Variants in CDH6 observed in about 807,000 individuals in gnomAD.
CDH6 encodes cadherin 6.
Under a neutral mutation model 78.0 loss-of-function variants are expected in CDH6, and 31 were observed. The ratio of observed to expected loss-of-function variants is 0.40; its 90% CI spans 0.30 to 0.54. CDH6 has a LOEUF of 0.54. CDH6 is among the 20% of genes least tolerant of loss of function. CDH6 has a pLI of 0.56. For missense variants in CDH6, 724 were observed against 975.9 expected (o/e 0.74, Z 3.44); for synonymous variants, 376 against 368.8 (o/e 1.02, Z -0.23).
At chr5:31,223,983 CT>C (rs1264698147) in intron 1 of CDH6, among the ~76,000 whole-genome samples, 3 of 152,188 alleles carry the variant, frequency 2.0e-5, no homozygotes, top group African/African-American at 7.2e-5. Flanking sequence ...TCAACATGTA[CT>C]AAGTGCTTCT....
At chr5:31,272,120 C>T (rs1355046266) in intron 2 of CDH6, among the ~76,000 whole-genome samples, 1 of 152,154 alleles carries the variant, frequency 6.6e-6, no homozygotes, top group Non-Finnish European at 1.5e-5. Context: ...GGTGTTTGAA[C>T]CCCATCTAAA....
intron 7 of CDH6, among the ~76,000 whole-genome samples, chr5:31,307,585 G>A (rs1235381926): frequency 1.3e-5 from 2 of 152,112 alleles, no homozygotes; most frequent in Non-Finnish European, 2.9e-5. Context: ...CACTAATATA[G>A]CTTTCACTAG....
intron 1 of CDH6, among the ~76,000 whole-genome samples, chr5:31,225,586 A>G (rs573871965): frequency 3.2e-4 from 49 of 152,318 alleles, no homozygotes; most frequent in African/African-American, 1.2e-3. Flanking sequence ...TGGCCGGAGC[A>G]GGAGGAAGAG....
intron 2 of CDH6, among the ~76,000 whole-genome samples, chr5:31,270,083 A>G (rs559643401): frequency 1.3e-5 from 2 of 152,228 alleles, no homozygotes; most frequent in Admixed American, 1.3e-4. Flanking sequence ...ATACATTTTT[A>G]AAAAAGATAA....
At chr5:31,321,663 A>C (rs1385963805) in intron 11 of CDH6, among the ~76,000 whole-genome samples, 2 of 152,156 alleles carry the variant, frequency 1.3e-5, no homozygotes, top group African/African-American at 4.8e-5. Flanking sequence ...GCCTACATCT[A>C]TTATTATATA....
intron 1 of CDH6, among the ~76,000 whole-genome samples, chr5:31,197,164 A>G (rs903197039): frequency 6.6e-6 from 1 of 152,058 alleles, no homozygotes; most frequent in Non-Finnish European, 1.5e-5. Flanking sequence ...TTTCTGTTTC[A>G]TTTCTTTCCT....
rs1356372388 is a variant in CDH6, at chr5:31,267,430, A to G, written c.-44A>G. The G allele has an allele frequency of 5.5e-6, 8 of 1,459,894 alleles. No individual in the cohort carries two copies. The highest frequency in any genetic ancestry group is 7.7e-6 in the Non-Finnish European group (8 of 1,041,180). The allele number at this position is 1,459,894 out of a possible 1,614,324, so 90.4% of individuals were successfully genotyped here. A position where few individuals can be genotyped will look rare whatever the true frequency, so the allele number is the denominator to read the frequency against. The stretch of plus-strand genomic sequence containing the variant: ...CGGTGCAGTGAAAAAGGCACTTCCA[A>G]GAGTGGGGCACTCACTACGCACAGA... On this transcript the variant is annotated 5_prime_UTR_variant, in exon 2 of 12. Coordinates refer to ENST00000265071, the MANE Select transcript of CDH6 (RefSeq NM_004932.4).
chr5:31,301,791 A>G (rs574268361), intron 5 of CDH6, among the ~76,000 whole-genome samples: 48 of 152,352 alleles, frequency 3.2e-4, no homozygotes, highest in African/African-American at 1.1e-3. Context: ...AGATGAAGTT[A>G]ACAAAGGGCT....
rs950177236 is a variant in CDH6 at position 31,274,979 on chromosome 5, C to T, written c.228+7278C>T. 2.0e-5 allele frequency among the ~76,000 whole-genome samples: 3 copies of T among 152,150 alleles called. No individual in the cohort carries two copies. The South Asian group carries it at 6.2e-4, about 32-fold the overall frequency. On this transcript the variant is annotated intron_variant, in intron 2 of 11. Coordinates refer to ENST00000265071, the MANE Select transcript of CDH6 (RefSeq NM_004932.4). Reference sequence around the variant, plus strand: ...GAGAGGCTCCCGTGCTCATTTTGGGCACAGCCCTTTGAGTCTATTCTATAG... The same window carrying T: ...GAGAGGCTCCCGTGCTCATTTTGGGTACAGCCCTTTGAGTCTATTCTATAG...
chr5:31,244,729 A>G (rs1741696023), intron 1 of CDH6, among the ~76,000 whole-genome samples: 1 of 152,192 alleles, frequency 6.6e-6, no homozygotes, highest in Admixed American at 6.5e-5. Flanking sequence ...TCGAGGAACA[A>G]GGTGGCCTGA....
intron 10 of CDH6, 46 bp downstream of exon 10, chr5:31,317,538 C>A: frequency 6.6e-7 from 1 of 1,513,102 alleles, no homozygotes; most frequent in Non-Finnish European, 9.1e-7. Flanking sequence ...CATCTATATC[C>A]GTAACTGTTT....
rs149986961 is a variant in CDH6, at chr5:31,324,591, AT to A, written c.*1291del. On this transcript the variant is annotated 3_prime_UTR_variant, in exon 12 of 12. Coordinates refer to ENST00000265071, the MANE Select transcript of CDH6 (RefSeq NM_004932.4). ...TGATAGTTGATTTTCAAAAGCATTA[AT>A]TTTTTTTCATTGTTTTTAACTTTGC... is the stretch of plus-strand genomic sequence containing the variant. 0.013 allele frequency: 2,825 copies of A among 211,328 alleles called. 57 individuals carry two copies. The highest frequency in any genetic ancestry group is 0.05 in the African/African-American group (2,228 of 44,188). The allele number at this position is 211,328 out of a possible 1,614,324, so 13.1% of individuals were successfully genotyped here.
intron 2 of CDH6, among the ~76,000 whole-genome samples, chr5:31,291,375 C>T (rs1440369708): frequency 6.6e-6 from 1 of 152,114 alleles, no homozygotes; most frequent in Non-Finnish European, 1.5e-5. Context: ...TTGGGAGGCA[C>T]TTTGTAATCT....
chr5:31,279,358 A>G (rs1002480588), intron 2 of CDH6, among the ~76,000 whole-genome samples: 1 of 152,164 alleles, frequency 6.6e-6, no homozygotes, highest in African/African-American at 2.4e-5. Flanking sequence ...ACCTGAGCCC[A>G]GAAGTGCCAG....
chr5:31,312,477 T>C (rs1738185869), intron 7 of CDH6, among the ~76,000 whole-genome samples: 1 of 152,224 alleles, frequency 6.6e-6, no homozygotes, highest in Non-Finnish European at 1.5e-5. Context: ...GGTAGGTGGA[T>C]CACTTGAGCT....
chr5:31,307,006 C>A (rs1193296362), intron 7 of CDH6, among the ~76,000 whole-genome samples: 1 of 151,978 alleles, frequency 6.6e-6, no homozygotes, highest in Non-Finnish European at 1.5e-5. Flanking sequence ...AAGTCTGATA[C>A]CAGAGCTTGC....
intron 1 of CDH6, chr5:31,251,238 T>C (rs1741899717): frequency 6.6e-6 from 1 of 152,262 alleles, no homozygotes; most frequent in African/African-American, 2.4e-5. Flanking sequence ...TAATGGCCTA[T>C]ATGATTGTTG....
chr5:31,284,540 G>A (rs1475916071), intron 2 of CDH6, among the ~76,000 whole-genome samples: 1 of 152,174 alleles, frequency 6.6e-6, no homozygotes, highest in Non-Finnish European at 1.5e-5. Context: ...AGCCTTCCTG[G>A]GCTTCTCCAG....
chr5:31,313,831 T>C (rs925714803), intron 8 of CDH6, among the ~76,000 whole-genome samples: 1 of 152,198 alleles, frequency 6.6e-6, no homozygotes, highest in Non-Finnish European at 1.5e-5. Context: ...GGGTCAAGTA[T>C]ATTGTAAAAT....
Sources: gnomAD v4.1 joint callset for allele counts (sites outside exome capture counted in the v4.1 genomes callset) on GRCh38, gnomAD v4.1.1 for gene constraint, MANE v1.5 for transcripts, NCBI Gene and HGNC (gene_info 2026-07-23, HGNC 2026-07-21) for gene names.